The following DGKD variants were observed in gnomAD, a reference collection of about 807,000 sequenced individuals.
DGKD encodes diacylglycerol kinase delta.
A neutral mutation model predicts 154.4 loss-of-function variants in DGKD; 68 were observed. That is an observed-to-expected ratio of 0.44 (90% CI 0.36 to 0.54). The LOEUF (loss-of-function observed/expected upper bound fraction) is 0.54, where lower values mean the gene tolerates loss of function less well. Among genes scored for constraint, DGKD ranks in the 20% least tolerant of loss-of-function variants. The probability of loss-of-function intolerance (pLI) is 0.00; values close to 1 mark genes in which losing one functional copy is unlikely to be tolerated. For missense variants in DGKD, 1,343 were observed against 1,593.6 expected (o/e 0.84, Z 2.68); for synonymous variants, 693 against 638.0 (o/e 1.09, Z -1.30).
In DGKD at chr2:233,369,834, C is replaced by G. The variant is rs1050871942; in HGVS notation, c.156+15160C>G. ...TCCTGAGTAGTGGGTGTTTGCTGATCACCTGCTGCCCACTCTGCTGGCTCT... is the reference window on the plus strand; with the variant it reads ...TCCTGAGTAGTGGGTGTTTGCTGATGACCTGCTGCCCACTCTGCTGGCTCT... On this transcript the variant is annotated intron_variant, in intron 1 of 29. Coordinates refer to ENST00000264057, the MANE Select transcript of DGKD (RefSeq NM_152879.3). 3.3e-5 allele frequency among the ~76,000 whole-genome samples: 5 copies of G among 152,160 alleles called. No individual in the cohort carries two copies. The East Asian group carries it at 9.6e-4, about 29-fold the overall frequency.
At chr2:233,406,595 A>C (rs56836072) in intron 3 of DGKD, among the ~76,000 whole-genome samples, 1 of 152,212 alleles carries the variant, frequency 6.6e-6, no homozygotes, top group African/African-American at 2.4e-5. Context: ...ACCAGGATTC[A>C]TGGCCCCCTC....
At position 233,441,854 on chromosome 2, in the gene DGKD, T is replaced by G; in HGVS notation, c.1086-33T>G. 5 of 1,574,870 alleles carry G rather than the reference T, an allele frequency of 3.2e-6. No homozygotes were observed. The highest frequency in any genetic ancestry group is 1.1e-5 in the South Asian group (1 of 88,580). On this transcript the variant is annotated intron_variant, in intron 9 of 29. Coordinates refer to ENST00000264057, the MANE Select transcript of DGKD (RefSeq NM_152879.3). This position sits in a 1 kb window ranked among gnomAD's most constrained non-coding sequence, Gnocchi z 5.6. ...CCTGTCATTTGTCCTGTGGAATGGA[T>G]GTCATTTCACGGCCTTTCTCTTTTC...
chr2:233,430,408 G>A (rs1207085960), intron 3 of DGKD, among the ~76,000 whole-genome samples: 1 of 152,190 alleles, frequency 6.6e-6, no homozygotes, highest in Non-Finnish European at 1.5e-5. Context: ...AGGAAGCCCT[G>A]GATATTGCTA....
intron 3 of DGKD, among the ~76,000 whole-genome samples, chr2:233,402,541 G>A (rs1426214811): frequency 6.6e-6 from 1 of 152,178 alleles, no homozygotes; most frequent in Non-Finnish European, 1.5e-5. Context: ...ACAACAGAGA[G>A]AATGTTGACT....
intron 3 of DGKD, among the ~76,000 whole-genome samples, chr2:233,399,863 TGAGGA>T (rs2061515133): frequency 6.6e-6 from 1 of 152,132 alleles, no homozygotes; most frequent in African/African-American, 2.4e-5. Context: ...AGATGGGGCC[TGAGGA>T]GAGCCATGCA....
intron 3 of DGKD, among the ~76,000 whole-genome samples, chr2:233,390,731 C>T (rs1380541149): frequency 1.3e-5 from 2 of 152,080 alleles, no homozygotes; most frequent in Admixed American, 1.3e-4. Flanking sequence ...TTTTGGTTCA[C>T]GTCTGTTTTG....
intron 1 of DGKD, among the ~76,000 whole-genome samples, chr2:233,361,182 C>T (rs1352254449): frequency 6.6e-6 from 1 of 152,148 alleles, no homozygotes; most frequent in Non-Finnish European, 1.5e-5. Flanking sequence ...TCCTGGGTGA[C>T]ACCCTCCCCT....
chr2:233,421,939 G>C (rs1057114160), intron 3 of DGKD, among the ~76,000 whole-genome samples: 10 of 152,252 alleles, frequency 6.6e-5, no homozygotes, highest in African/African-American at 2.4e-4. Flanking sequence ...GATAGCACAG[G>C]AGAGAGGAGG....
chr2:233,432,166 C>T (rs538300055), intron 3 of DGKD, among the ~76,000 whole-genome samples: 29 of 145,036 alleles, frequency 2.0e-4, no homozygotes, highest in South Asian at 4.2e-4. Flanking sequence ...CCAAGGTGGG[C>T]GGATCACGAG....
chr2:233,467,984 C>T (rs956587384), intron 28 of DGKD, among the ~76,000 whole-genome samples: 1 of 152,116 alleles, frequency 6.6e-6, no homozygotes, highest in Non-Finnish European at 1.5e-5. Context: ...TGGCTTTGGC[C>T]ACAATCATGA....
At chr2:233,390,042 G>A (rs1280571559) in intron 2 of DGKD, among the ~76,000 whole-genome samples, 1 of 152,150 alleles carries the variant, frequency 6.6e-6, no homozygotes, top group African/African-American at 2.4e-5. Flanking sequence ...AAAACACTGT[G>A]TGAGAACATA....
intron 3 of DGKD, among the ~76,000 whole-genome samples, chr2:233,431,559 T>A (rs1333100208): frequency 6.6e-6 from 1 of 152,202 alleles, no homozygotes. Flanking sequence ...GAATCACATT[T>A]TCTGACTTCA....
chr2:233,431,800 A>C (rs2924815), intron 3 of DGKD, among the ~76,000 whole-genome samples: 107,459 of 152,166 alleles, frequency 0.71, 39,386 homozygotes, highest in African/African-American at 0.92. Context: ...ACTCCCATTT[A>C]TTGCCATATG....
chr2:233,460,066 TG>T, intron 23 of DGKD, 127 bp from the exon 24 acceptor site: 3 of 1,468,538 alleles, frequency 2.0e-6, no homozygotes, highest in Admixed American at 2.6e-5. Flanking sequence ...CTTCCCCTAA[TG>T]TTAAAAAAAA....
At chr2:233,450,732 C>G (rs2063250828) in intron 16 of DGKD, among the ~76,000 whole-genome samples, 190 bp from the exon 17 acceptor site, 1 of 152,162 alleles carries the variant, frequency 6.6e-6, no homozygotes, top group Non-Finnish European at 1.5e-5. Context: ...CTCCATGAGC[C>G]CAGCCCCCCA....
chr2:233,449,919 C>T lies in DGKD; in HGVS notation c.1889-63C>T. 6.6e-7 allele frequency: 1 copy of T among 1,510,576 alleles called. No homozygotes were observed. 93.6% of individuals were successfully genotyped at this position (1,510,576 alleles called of 1,614,324 possible). A position where few individuals can be genotyped will look rare whatever the true frequency, so the allele number is the denominator to read the frequency against. ...GGGTGAGGATGAGGGGCCCTCCACC[C>T]AGCCTGACAGCGCCCTTGGCTTTGC... On this transcript the variant is annotated intron_variant, in intron 15 of 29. Transcript: ENST00000264057. This position sits in a 1 kb window ranked among gnomAD's most constrained non-coding sequence, Gnocchi z 5.3.
At position 233,366,313 on chromosome 2, in the gene DGKD, A is replaced by G. The variant is rs565358720; in HGVS notation, c.156+11639A>G. Among the ~76,000 whole-genome samples, 10 of 152,282 alleles carry G rather than the reference A, an allele frequency of 6.6e-5. No individual in the cohort carries two copies. The South Asian group carries it at 2.1e-3, about 32-fold the overall frequency. Reference sequence around the variant, plus strand: ...GCCTGAGTGGATGCTGGCTGACCCAATGCAGTGAAAGATGCTGGCAGCCTG... The same window carrying G: ...GCCTGAGTGGATGCTGGCTGACCCAGTGCAGTGAAAGATGCTGGCAGCCTG... On this transcript the variant is annotated intron_variant, in intron 1 of 29. Coordinates refer to ENST00000264057, the MANE Select transcript of DGKD (RefSeq NM_152879.3).
chr2:233,370,702 T>C (rs943354859), intron 1 of DGKD, among the ~76,000 whole-genome samples: 5 of 152,048 alleles, frequency 3.3e-5, no homozygotes, highest in Non-Finnish European at 7.4e-5. Context: ...ATAGAACTGC[T>C]GTGAACATTC....
chr2:233,429,434 C>G (rs1357744007), intron 3 of DGKD: 21 of 636,914 alleles, frequency 3.3e-5, no homozygotes, highest in Non-Finnish European at 3.9e-5. Flanking sequence ...CGATGACATG[C>G]ACCCACTCGG....
Sources: gnomAD v4.1 joint callset for allele counts (sites outside exome capture counted in the v4.1 genomes callset) on GRCh38, gnomAD v4.1.1 for gene constraint, Gnocchi (gnomAD v3.1) non-coding constraint, MANE v1.5 for transcripts, NCBI Gene and HGNC (gene_info 2026-07-23, HGNC 2026-07-21) for gene names.